NPAS3: variants seen among roughly 807,000 people sequenced by gnomAD.
The protein encoded by NPAS3 is neuronal PAS domain-containing protein 3.
Under a neutral mutation model 73.1 loss-of-function variants are expected in NPAS3, and 14 were observed. That is an observed-to-expected ratio of 0.19 (90% CI 0.13 to 0.30). The LOEUF (loss-of-function observed/expected upper bound fraction) is 0.30. NPAS3 is among the 10% of genes least tolerant of loss of function. The pLI is 1.00. For missense variants in NPAS3, 1,096 were observed against 1,250.0 expected, an observed-to-expected ratio of 0.88 and a Z score of 1.86; for synonymous variants, 620 against 541.5, an observed-to-expected ratio of 1.14 and a Z score of -2.01.
At position 33,030,108 on chromosome 14, in the gene NPAS3, G is replaced by A. The variant is rs1428197013; in HGVS notation, c.51-25797G>A. ...GTCTGGCTGTTGAGGAAAGTAAAAA[G>A]TAAACCTGAACATTTGGATTTCAAC... is the stretch of plus-strand genomic sequence containing the variant. On this transcript the variant is annotated intron_variant, in intron 1 of 11. Coordinates refer to ENST00000356141, the Ensembl canonical transcript of NPAS3. Among the ~76,000 whole-genome samples the A allele has an allele frequency of 2.0e-5, 3 of 152,178 alleles. No individual in the cohort carries two copies. In the East Asian group the frequency reaches 5.8e-4, roughly 29 times the overall value.
At chr14:33,409,216 G>T (rs867731079) in intron 4 of NPAS3, among the ~76,000 whole-genome samples, 9 of 152,152 alleles carry the variant, frequency 5.9e-5, no homozygotes, top group East Asian at 1.9e-4. Flanking sequence ...AGCCCCACTG[G>T]GGGGTTCTGA....
intron 2 of NPAS3, among the ~76,000 whole-genome samples, chr14:33,160,506 G>C (rs1485884346): frequency 8.4e-6 from 1 of 118,888 alleles, no homozygotes; most frequent in Non-Finnish European, 1.7e-5. Flanking sequence ...TGGGGGGAGG[G>C]GGGAGGGATA....
intron 2 of NPAS3, among the ~76,000 whole-genome samples, chr14:33,116,095 C>G (rs1447187171): frequency 6.6e-6 from 1 of 152,124 alleles, no homozygotes; most frequent in East Asian, 1.9e-4. Context: ...CTGTTGTAAG[C>G]TACTTGGGTG....
At chr14:33,626,101 T>C (rs2058210670) in intron 5 of NPAS3, among the ~76,000 whole-genome samples, 1 of 152,192 alleles carries the variant, frequency 6.6e-6, no homozygotes, top group African/African-American at 2.4e-5. Flanking sequence ...TTTGCGTGTA[T>C]ACGTTTATGT....
intron 5 of NPAS3, among the ~76,000 whole-genome samples, chr14:33,649,462 G>A (rs1258327352): frequency 6.6e-6 from 1 of 152,172 alleles, no homozygotes; most frequent in South Asian, 2.1e-4. Context: ...TGTAACAAAT[G>A]TATAAAAGAT....
chr14:33,087,886 T>C (rs1203784374), intron 2 of NPAS3, among the ~76,000 whole-genome samples: 1 of 152,236 alleles, frequency 6.6e-6, no homozygotes. Context: ...AATGTGTTTA[T>C]ATTCATAATT....
chr14:33,324,077 A>G (rs915874854), intron 3 of NPAS3, among the ~76,000 whole-genome samples: 1 of 152,244 alleles, frequency 6.6e-6, no homozygotes, highest in African/African-American at 2.4e-5. Context: ...AGAAGCAGAC[A>G]GTGACCGCAG....
intron 2 of NPAS3, among the ~76,000 whole-genome samples, chr14:33,114,278 AC>A (rs1460816918): frequency 6.6e-6 from 1 of 151,518 alleles, no homozygotes; most frequent in Admixed American, 6.6e-5. Context: ...TCAATGATCC[AC>A]CCCCCTTTGG....
At chr14:33,803,462 T>C (rs995657559), downstream of NPAS3, 1 of 152,162 alleles carries the variant, frequency 6.6e-6, no homozygotes, top group Non-Finnish European at 1.5e-5. Context: ...GTGAGCTTAC[T>C]TGAAGGATTT....
At chr14:33,284,592 C>T (rs1032572494) in intron 3 of NPAS3, among the ~76,000 whole-genome samples, 1 of 152,002 alleles carries the variant, frequency 6.6e-6, no homozygotes, top group African/African-American at 2.4e-5. Flanking sequence ...AAATTACTGG[C>T]AGAAGACAAC....
chr14:33,174,795 G>A (rs1409645646), intron 2 of NPAS3, among the ~76,000 whole-genome samples: 1 of 152,188 alleles, frequency 6.6e-6, no homozygotes, highest in Non-Finnish European at 1.5e-5. Context: ...GATGAAGAGG[G>A]CCTTAGGGAC....
At chr14:33,074,929 T>C (rs2041608245) in intron 2 of NPAS3, among the ~76,000 whole-genome samples, 2 of 152,194 alleles carry the variant, frequency 1.3e-5, no homozygotes, top group Admixed American at 6.5e-5. Flanking sequence ...CATTAGATGA[T>C]ACAGAGGAAG....
intron 6 of NPAS3, among the ~76,000 whole-genome samples, chr14:33,726,692 T>C (rs2061276489): frequency 6.6e-6 from 1 of 152,206 alleles, no homozygotes. Context: ...AGCACTGTTA[T>C]GAATGGTCCC....
At chr14:33,533,259 G>A (rs1001692266) in intron 4 of NPAS3, among the ~76,000 whole-genome samples, 2 of 151,954 alleles carry the variant, frequency 1.3e-5, no homozygotes, top group African/African-American at 4.8e-5. Flanking sequence ...ATCGTATAAG[G>A]CAAAGGATAA....
intron 1 of NPAS3, among the ~76,000 whole-genome samples, chr14:32,998,582 AC>A (rs1291421205): frequency 6.6e-6 from 1 of 152,204 alleles, no homozygotes; most frequent in Non-Finnish European, 1.5e-5. Context: ...CCCCTTGTGT[AC>A]AGAATGAGGC....
intron 6 of NPAS3, chr14:33,680,458 C>G (rs1452865803): frequency 6.5e-6 from 4 of 616,826 alleles, no homozygotes; most frequent in Non-Finnish European, 1.1e-5. Flanking sequence ...AGTTTCTGTT[C>G]CTGTTCCTGT....
chr14:33,381,669 G>T (rs1178370416), intron 4 of NPAS3, among the ~76,000 whole-genome samples: 1 of 152,104 alleles, frequency 6.6e-6, no homozygotes, highest in East Asian at 1.9e-4. Flanking sequence ...AATTATAAGG[G>T]AAATATTAGG....
chr14:33,324,337 C>A (rs184326461), intron 3 of NPAS3, among the ~76,000 whole-genome samples: 4 of 152,268 alleles, frequency 2.6e-5, no homozygotes, highest in Admixed American at 2.6e-4. Context: ...AGTCGGGGAC[C>A]TTCTTGCCAA....
chr14:33,316,818 C>T (rs1259431990), intron 3 of NPAS3, among the ~76,000 whole-genome samples: 2 of 152,042 alleles, frequency 1.3e-5, no homozygotes, highest in African/African-American at 2.4e-5. Context: ...CTCTTTAGTA[C>T]CCCCAGGAGT....
Sources: gnomAD v4.1 joint callset for allele counts (sites outside exome capture counted in the v4.1 genomes callset) on GRCh38, gnomAD v4.1.1 for gene constraint, MANE v1.5 for transcripts, NCBI Gene and HGNC (gene_info 2026-07-23, HGNC 2026-07-21) for gene names.